CPED1: variants seen among roughly 807,000 people sequenced by gnomAD.
CPED1 encodes the protein cadherin like and PC-esterase domain containing 1.
A neutral mutation model predicts 128.2 loss-of-function variants in CPED1; 114 were observed. That is an observed-to-expected ratio of 0.89 (90% CI 0.76 to 1.04). The LOEUF (loss-of-function observed/expected upper bound fraction) is 1.04, where lower values mean the gene tolerates loss of function less well. Among genes scored for constraint, CPED1 ranks in the 50% least tolerant of loss-of-function variants. The pLI, the probability that CPED1 is intolerant of heterozygous loss-of-function variation, is 0.00. For synonymous variants in CPED1, 462 were observed against 426.7 expected, an observed-to-expected ratio of 1.08 and a Z score of -1.02; for missense variants, 1,211 against 1,207.1, an observed-to-expected ratio of 1.00 and a Z score of -0.05.
chr7:121,073,598 G>A lies in CPED1; in HGVS notation c.616+9285G>A, dbSNP rs561813538. On this transcript the variant is annotated intron_variant, in intron 5 of 22. Transcript: ENST00000310396. Reference sequence around the variant, plus strand: ...GGTCAAAAGCCGTATTGTGTAATGCGAACCCTTCTTCCAGGTTGTCTAATG... The same window carrying A: ...GGTCAAAAGCCGTATTGTGTAATGCAAACCCTTCTTCCAGGTTGTCTAATG... Among the ~76,000 whole-genome samples, 5 of 152,254 alleles carry A rather than the reference G, an allele frequency of 3.3e-5. No homozygotes were observed. In the East Asian group the frequency reaches 5.8e-4, roughly 18 times the overall value.
intron 5 of CPED1, among the ~76,000 whole-genome samples, chr7:121,088,098 T>A (rs1794479176): frequency 1.3e-5 from 2 of 152,212 alleles, no homozygotes; most frequent in Non-Finnish European, 2.9e-5. Flanking sequence ...AAATGACTTC[T>A]TATCCATCAT....
At chr7:121,211,941 A>C (rs936948859) in intron 16 of CPED1, among the ~76,000 whole-genome samples, 3 of 152,024 alleles carry the variant, frequency 2.0e-5, no homozygotes, top group African/African-American at 7.2e-5. Flanking sequence ...CTAAAATGAC[A>C]CTCTTATATC....
chr7:121,157,080 C>A (rs1125447), intron 16 of CPED1, among the ~76,000 whole-genome samples: 66,805 of 151,956 alleles, frequency 0.44, 15,950 homozygotes, highest in East Asian at 0.84. Flanking sequence ...GAGATTCAAA[C>A]GTTATACTTG....
chr7:121,227,879 G>A (rs941113152), intron 16 of CPED1, among the ~76,000 whole-genome samples: 5 of 152,048 alleles, frequency 3.3e-5, no homozygotes, highest in African/African-American at 1.2e-4. Context: ...TTGGAAGGCA[G>A]GTTAGAACTC....
At chr7:121,117,056 C>T (rs59629917) in intron 7 of CPED1, among the ~76,000 whole-genome samples, 1 of 131,532 alleles carries the variant, frequency 7.6e-6, no homozygotes, top group Non-Finnish European at 1.6e-5. Context: ...TATATACACA[C>T]ATTTTATATA....
intron 16 of CPED1, among the ~76,000 whole-genome samples, chr7:121,224,766 A>T (rs1219614427): frequency 7.0e-6 from 1 of 143,438 alleles, no homozygotes; most frequent in African/African-American, 2.6e-5. Flanking sequence ...ATTTTATCAG[A>T]GACTAGGATT....
At chr7:121,044,650 C>CTTTTTTTTTTTTTTTTTTTTTTTTTTTTT (rs58884492) in intron 3 of CPED1, among the ~76,000 whole-genome samples, 2 of 106,038 alleles carry the variant, frequency 1.9e-5, no homozygotes, top group African/African-American at 6.8e-5. Context: ...ACTTTCTGCT[C>CTTTTTTTTTTTTTTTTTTTTTTTTTTTTT]TTTTTTTTTT....
chr7:121,092,170 C>T (rs1794588276), intron 5 of CPED1, among the ~76,000 whole-genome samples: 1 of 152,154 alleles, frequency 6.6e-6, no homozygotes, highest in African/African-American at 2.4e-5. Flanking sequence ...CTGGGACTGC[C>T]TTGGTGCCAT....
chr7:121,091,820 T>C (rs532279791), intron 5 of CPED1, among the ~76,000 whole-genome samples: 31 of 152,322 alleles, frequency 2.0e-4, no homozygotes, highest in Middle Eastern at 6.8e-3. Flanking sequence ...AAATTCGTGT[T>C]TTTAAAATGT....
chr7:121,032,512 C>T (rs1292524936), intron 3 of CPED1, among the ~76,000 whole-genome samples: 1 of 125,680 alleles, frequency 8.0e-6, no homozygotes, highest in African/African-American at 3.1e-5. Context: ...GGGTGGGGAA[C>T]ATCATACCGC....
intron 16 of CPED1, among the ~76,000 whole-genome samples, chr7:121,183,418 T>C (rs2116504402): frequency 6.6e-6 from 1 of 152,312 alleles, no homozygotes; most frequent in East Asian, 1.9e-4. Context: ...ACCCTTGACC[T>C]CAAGGGTATC....
chr7:121,258,881 A>T (rs1482118533), intron 18 of CPED1, among the ~76,000 whole-genome samples: 1 of 152,046 alleles, frequency 6.6e-6, no homozygotes, highest in African/African-American at 2.4e-5. Flanking sequence ...TGCTACAAAA[A>T]CTTTATTTTC....
chr7:121,117,789 G>A (rs1795288787), intron 7 of CPED1, among the ~76,000 whole-genome samples: 1 of 152,082 alleles, frequency 6.6e-6, no homozygotes, highest in African/African-American at 2.4e-5. Context: ...GTTTGATTTT[G>A]CTGAAAAGAT....
At chr7:121,094,451 G>A (rs1794651127) in intron 5 of CPED1, among the ~76,000 whole-genome samples, 1 of 152,154 alleles carries the variant, frequency 6.6e-6, no homozygotes, top group Admixed American at 6.6e-5. Context: ...AGGGAAAGAA[G>A]TAATCGAATA....
At chr7:121,195,834 G>C (rs188935063) in intron 16 of CPED1, among the ~76,000 whole-genome samples, 2 of 152,112 alleles carry the variant, frequency 1.3e-5, no homozygotes, top group African/African-American at 4.8e-5. Flanking sequence ...AGCTTGGTTG[G>C]TGTTTGGTGT....
chr7:121,031,759 A>G (rs955629669), intron 3 of CPED1, among the ~76,000 whole-genome samples: 5 of 152,170 alleles, frequency 3.3e-5, no homozygotes, highest in African/African-American at 1.2e-4. Flanking sequence ...AAAAATTTTG[A>G]TTTTCACATC....
intron 18 of CPED1, among the ~76,000 whole-genome samples, chr7:121,245,374 TATTA>T (rs1455261617): frequency 6.6e-6 from 1 of 152,134 alleles, no homozygotes; most frequent in Admixed American, 6.5e-5. Flanking sequence ...GTTGCAGTGT[TATTA>T]ATTGAGCATT....
intron 7 of CPED1, among the ~76,000 whole-genome samples, chr7:121,121,105 A>G: frequency 6.6e-6 from 1 of 152,070 alleles, no homozygotes; most frequent in Middle Eastern, 3.4e-3. Flanking sequence ...TTATGGGAGG[A>G]TGGAGAGAAA....
intron 5 of CPED1, among the ~76,000 whole-genome samples, chr7:121,078,866 A>C (rs1794208092): frequency 1.3e-5 from 2 of 152,206 alleles, no homozygotes; most frequent in Admixed American, 6.5e-5. Flanking sequence ...GGTGGCTTAA[A>C]CAAAAGAAAT....
Sources: gnomAD v4.1 joint callset for allele counts (sites outside exome capture counted in the v4.1 genomes callset) on GRCh38, gnomAD v4.1.1 for gene constraint, MANE v1.5 for transcripts, NCBI Gene and HGNC (gene_info 2026-07-23, HGNC 2026-07-21) for gene names.